PRDM16: variants seen among roughly 807,000 people sequenced by gnomAD.
PRDM16 encodes the protein PR/SET domain 16, also known as histone-lysine N-methyltransferase PRDM16.
PRDM16 carries 23 observed loss-of-function variants against 110.6 expected under a neutral mutation model. That is an observed-to-expected ratio of 0.21 (90% CI 0.15 to 0.29). The LOEUF (loss-of-function observed/expected upper bound fraction) is 0.29. Among genes scored for constraint, PRDM16 ranks in the 10% least tolerant of loss-of-function variants. PRDM16 has a pLI of 1.00. For missense variants in PRDM16, 1,615 were observed against 1,794.3 expected, an observed-to-expected ratio of 0.90 and a Z score of 1.81; for synonymous variants, 799 against 781.8, an observed-to-expected ratio of 1.02 and a Z score of -0.37.
At chr1:3,234,645 A>C (rs1639499707) in intron 2 of PRDM16, among the ~76,000 whole-genome samples, 1 of 152,200 alleles carries the variant, frequency 6.6e-6, no homozygotes, top group Non-Finnish European at 1.5e-5. Flanking sequence ...TGACTGTGCC[A>C]GTCCCCACCC....
intron 1 of PRDM16, among the ~76,000 whole-genome samples, chr1:3,117,276 G>A (rs1642983545): frequency 6.6e-6 from 1 of 152,216 alleles, no homozygotes. Flanking sequence ...GGGACCGGGA[G>A]TGCTGGCCCC....
At chr1:3,397,282 A>C (rs2100631970) in intron 5 of PRDM16, among the ~76,000 whole-genome samples, 1 of 152,306 alleles carries the variant, frequency 6.6e-6, no homozygotes, top group South Asian at 2.1e-4. Flanking sequence ...AAGCCTTCCA[A>C]ATTTCCTTTT....
At chr1:3,319,387 T>C (rs1641687601) in intron 3 of PRDM16, among the ~76,000 whole-genome samples, 1 of 152,206 alleles carries the variant, frequency 6.6e-6, no homozygotes, top group South Asian at 2.1e-4. Context: ...TCCAAAATGT[T>C]TGGCCTTCTC....
chr1:3,263,360 CAG>C (rs1427965228), intron 3 of PRDM16, among the ~76,000 whole-genome samples: 1 of 152,214 alleles, frequency 6.6e-6, no homozygotes, highest in African/African-American at 2.4e-5. Flanking sequence ...CCCAAGTAGA[CAG>C]AGCGTGCCGC....
Position 3,244,224 on chromosome 1 carries a change from C to T in PRDM16, c.438+87C>T. On this transcript the variant is annotated intron_variant, in intron 3 of 16. Coordinates refer to ENST00000270722, the MANE Select transcript of PRDM16 (RefSeq NM_022114.4). The surrounding 1 kb of genome is among the most constrained non-coding windows in gnomAD (Gnocchi z 4.1). ...GACCGCCATCCCAGCTGTCCCTGAG[C>T]TAACAAGCGTGTAGTCGGAATGTTG... 1 of 1,244,486 alleles carries T rather than the reference C, an allele frequency of 8.0e-7. No homozygotes were observed. Among genetic ancestry groups the T allele is most frequent in the Non-Finnish European group, 1.2e-6 (1 of 852,174 alleles). The allele number at this position is 1,244,486 out of a possible 1,614,324, so 77.1% of individuals were successfully genotyped here.
rs989200756 is a variant in PRDM16, at chr1:3,206,053, C to T, written c.387+19579C>T. 2 of 152,268 alleles carry T rather than the reference C, an allele frequency of 1.3e-5. No homozygotes were observed. Among genetic ancestry groups the T allele is most frequent in the South Asian group, 2.1e-4 (1 of 4,838 alleles). 9.4% of individuals were successfully genotyped at this position (152,268 alleles called of 1,614,324 possible). On this transcript the variant is annotated intron_variant, in intron 2 of 16. Coordinates refer to ENST00000270722, the MANE Select transcript of PRDM16 (RefSeq NM_022114.4). This position sits in a 1 kb window ranked among gnomAD's most constrained non-coding sequence, Gnocchi z 4.9. ...TGTGAGCGAGACCGGGGCTAACAGC[C>T]CCCTACCTGCGTTCCCCATGACCGG...
At chr1:3,326,856 C>T (rs975948639) in intron 3 of PRDM16, among the ~76,000 whole-genome samples, 1 of 152,200 alleles carries the variant, frequency 6.6e-6, no homozygotes, top group Non-Finnish European at 1.5e-5. Flanking sequence ...TGGGCTCCTG[C>T]CCCCACTGGG....
At chr1:3,254,443 A>C (rs1025490164) in intron 3 of PRDM16, among the ~76,000 whole-genome samples, 1 of 152,198 alleles carries the variant, frequency 6.6e-6, no homozygotes, top group African/African-American at 2.4e-5. Flanking sequence ...CCTTAAGCTG[A>C]TAAGCAACTT....
intron 1 of PRDM16, among the ~76,000 whole-genome samples, chr1:3,091,982 G>A (rs972894802): frequency 1.3e-5 from 2 of 152,190 alleles, no homozygotes; most frequent in Admixed American, 6.5e-5. Context: ...TGGGAGGCCC[G>A]CGTTAGCCCC....
chr1:3,367,057 C>G (rs571531954), intron 3 of PRDM16, among the ~76,000 whole-genome samples: 31 of 152,308 alleles, frequency 2.0e-4, no homozygotes, highest in African/African-American at 6.5e-4. Context: ...CACCTGAGGT[C>G]AGGAGTTCGA....
chr1:3,382,810 A>G lies in PRDM16; in HGVS notation c.439-2342A>G, dbSNP rs1191397222. Among the ~76,000 whole-genome samples the G allele has an allele frequency of 2.6e-5, 4 of 152,198 alleles. No individual in the cohort carries two copies. The highest frequency in any genetic ancestry group is 4.1e-4 in the South Asian group (2 of 4,834). On this transcript the variant is annotated intron_variant, in intron 3 of 16. Transcript: ENST00000270722. The surrounding 1 kb of genome is among the most constrained non-coding windows in gnomAD (Gnocchi z 6.6). The stretch of plus-strand genomic sequence containing the variant: ...GCACGGCCCGCCCTGGGTGAGCACC[A>G]GCCCTCAGCCCACAGGCACTGTGTA...
chr1:3,241,644 GCC>G lies in PRDM16; in HGVS notation c.388-2441_388-2440del, dbSNP rs1216047699. On this transcript the variant is annotated intron_variant, in intron 2 of 16. Coordinates refer to ENST00000270722, the MANE Select transcript of PRDM16 (RefSeq NM_022114.4). Reference sequence around the variant, plus strand: ...CTGGCCAAGCCCACGCACGGACCAAGCCCACGTCAGACTCCGCCAGAAAGGCA... The same window carrying G: ...CTGGCCAAGCCCACGCACGGACCAAGCACGTCAGACTCCGCCAGAAAGGCA... Among the ~76,000 whole-genome samples the G allele has an allele frequency of 2.0e-5, 3 of 152,370 alleles. No individual in the cohort carries two copies. The East Asian group carries it at 5.8e-4, about 29-fold the overall frequency.
intron 4 of PRDM16, among the ~76,000 whole-genome samples, chr1:3,391,606 G>A (rs528818100): frequency 1.3e-5 from 2 of 152,338 alleles, no homozygotes; most frequent in Admixed American, 1.3e-4. Flanking sequence ...TCGCTGGGAT[G>A]GTGACGGCAT....
intron 3 of PRDM16, among the ~76,000 whole-genome samples, chr1:3,278,885 C>T (rs1179288618): frequency 6.6e-6 from 1 of 152,232 alleles, no homozygotes; most frequent in Non-Finnish European, 1.5e-5. Context: ...CCAGCTCCTG[C>T]AGACACTCAG....
chr1:3,148,583 A>T lies in PRDM16; in HGVS notation c.38-37542A>T, dbSNP rs920361065. ...GGATTTTACAATCCAGGAGATGTCA[A>T]CTCCTTGCTGGGACCTCCTTGACGC... On this transcript the variant is annotated intron_variant, in intron 1 of 16. Coordinates refer to ENST00000270722, the MANE Select transcript of PRDM16 (RefSeq NM_022114.4). This position sits in a 1 kb window ranked among gnomAD's most constrained non-coding sequence, Gnocchi z 5.0. Among the ~76,000 whole-genome samples, 1 of 151,636 alleles carries T rather than the reference A, an allele frequency of 6.6e-6. No homozygotes were observed. Among genetic ancestry groups the T allele is most frequent in the South Asian group, 2.1e-4 (1 of 4,780 alleles).
Position 3,181,171 on chromosome 1 carries a change from C to T in PRDM16, c.38-4954C>T, listed in dbSNP as rs572535771. On this transcript the variant is annotated intron_variant, in intron 1 of 16. Coordinates refer to ENST00000270722, the MANE Select transcript of PRDM16 (RefSeq NM_022114.4). ...ACACGCAGTCTTACACGCGGTCTTA[C>T]GGTCTTACACACGCAGTCTTACGGT... Among the ~76,000 whole-genome samples, 19 of 150,854 alleles carry T rather than the reference C, an allele frequency of 1.3e-4. No homozygotes were observed. In the South Asian group the frequency reaches 1.3e-3, roughly 10 times the overall value.
At chr1:3,282,331 G>A (rs1312416926) in intron 3 of PRDM16, among the ~76,000 whole-genome samples, 1 of 152,208 alleles carries the variant, frequency 6.6e-6, no homozygotes, top group Middle Eastern at 3.2e-3. Context: ...CCTGTGTGTG[G>A]AGTGGGGGCT....
At chr1:3,146,616 G>T (rs1165488642) in intron 1 of PRDM16, among the ~76,000 whole-genome samples, 54 of 141,532 alleles carry the variant, frequency 3.8e-4, no homozygotes, top group Non-Finnish European at 5.7e-4. Flanking sequence ...CAGTGTGGGG[G>T]GTGTGTGTGC....
In PRDM16 at chr1:3,143,470, A is replaced by G. The variant is rs914691049; in HGVS notation, c.38-42655A>G. Among the ~76,000 whole-genome samples, 3 of 151,994 alleles carry G rather than the reference A, an allele frequency of 2.0e-5. No homozygotes were observed. Among genetic ancestry groups the G allele is most frequent in the Admixed American group, 2.0e-4 (3 of 15,262 alleles). On this transcript the variant is annotated intron_variant, in intron 1 of 16. Transcript: ENST00000270722. The surrounding 1 kb of genome is among the most constrained non-coding windows in gnomAD (Gnocchi z 4.5). Reference sequence around the variant, plus strand: ...AGCAAATGACATTTGAAACTTTATTATTAGTATTATTATTATCATTTTTGT... The same window carrying G: ...AGCAAATGACATTTGAAACTTTATTGTTAGTATTATTATTATCATTTTTGT...
Sources: gnomAD v4.1 joint callset for allele counts (sites outside exome capture counted in the v4.1 genomes callset) on GRCh38, gnomAD v4.1.1 for gene constraint, Gnocchi (gnomAD v3.1) non-coding constraint, MANE v1.5 for transcripts, NCBI Gene and HGNC (gene_info 2026-07-23, HGNC 2026-07-21) for gene names.